HUWE1: variants seen among roughly 807,000 people sequenced by gnomAD.
HUWE1 encodes HECT, UBA and WWE domain containing E3 ubiquitin protein ligase 1, also known as E3 ubiquitin-protein ligase HUWE1.
A neutral mutation model predicts 299.4 loss-of-function variants in HUWE1; 18 were observed. The observed-to-expected ratio is 0.06, with a 90% CI of 0.04 to 0.09. The LOEUF (loss-of-function observed/expected upper bound fraction) is 0.09, where lower values mean the gene tolerates loss of function less well. HUWE1 is among the 10% of genes least tolerant of loss of function. The probability of loss-of-function intolerance (pLI) is 1.00; values close to 1 mark genes in which losing one functional copy is unlikely to be tolerated. For missense variants in HUWE1, 1,832 were observed against 3,462.3 expected, an observed-to-expected ratio of 0.53 and a Z score of 11.82; for synonymous variants, 1,317 against 1,286.1, an observed-to-expected ratio of 1.02 and a Z score of -0.51.
Position 53,672,324 on chromosome X carries a change from G to A in HUWE1, c.-25+7725C>T, listed in dbSNP as rs1431802309. ...GTCGCCCAGGCTGGAATGCAGTGGCGTGATCTCAGCTCACTGCAACCTCCG... is the reference window on the plus strand; with the variant it reads ...GTCGCCCAGGCTGGAATGCAGTGGCATGATCTCAGCTCACTGCAACCTCCG... On this transcript the variant is annotated intron_variant, in intron 3 of 83. Transcript: ENST00000262854. Among the ~76,000 whole-genome samples, 11 of 105,837 alleles carry A rather than the reference G, an allele frequency of 1.0e-4. No homozygotes were observed. In the Admixed American group the frequency reaches 1.1e-3, roughly 11 times the overall value. 91.9% of individuals were successfully genotyped at this position (105,837 alleles called of 115,157 possible).
At chrX:53,660,993 G>A (rs1437623727) in intron 3 of HUWE1, among the ~76,000 whole-genome samples, 1 of 110,420 alleles carries the variant, frequency 9.1e-6, no homozygotes, top group African/African-American at 3.3e-5. Flanking sequence ...TCTAAATCCA[G>A]GTCTGACTAC....
chrX:53,596,612 A>C (rs1556985280), intron 29 of HUWE1, among the ~76,000 whole-genome samples: 1 of 111,977 alleles, frequency 8.9e-6, no homozygotes, highest in Non-Finnish European at 1.9e-5. Flanking sequence ...ATCTGCTTAA[A>C]ACACTGTGTG....
rs1260931669 is a variant in HUWE1, at chrX:53,589,670, G to A, written c.4338C>T (p.Gly1446=). 8.3e-7 allele frequency: 1 copy of A among 1,209,669 alleles called. No homozygotes were observed. The highest frequency in any genetic ancestry group is 1.1e-6 in the Non-Finnish European group (1 of 895,138). The change falls in exon 36 of 84, where the codon GGC becomes GGT. Residue 1446 remains glycine, a synonymous_variant. Coordinates refer to ENST00000262854, the MANE Select transcript of HUWE1 (RefSeq NM_031407.7). ...LHTFTDTMLP[G]CFHLLDELPD... ...GCAGCTCATCAAGAAGGTGGAAGCA[G>A]CCTGGCAACATAGTATCTGTGAAAG...
chrX:53,664,317 T>G lies in HUWE1; in HGVS notation c.-24-10186A>C, dbSNP rs1461876651. ...TCCTCCTGGCCTCAGCCTCCCAAAG[T>G]GCTGAGATTACAGGCGTTAGCCACT... On this transcript the variant is annotated intron_variant, in intron 3 of 83. Transcript: ENST00000262854. Among the ~76,000 whole-genome samples the G allele has an allele frequency of 2.7e-5, 3 of 112,272 alleles. No individual in the cohort carries two copies. In the Admixed American group the frequency reaches 2.8e-4, roughly 11 times the overall value.
At chrX:53,581,173 A>T in intron 42 of HUWE1, 147 bp from the exon 43 acceptor site, 1 of 497,100 alleles carries the variant, frequency 2.0e-6, no homozygotes, top group Admixed American at 4.1e-5. Flanking sequence ...TCTTGATTCA[A>T]AAAACCTGGC....
chrX:53,556,456 T>C, intron 60 of HUWE1: 1 of 310,206 alleles, frequency 3.2e-6, no homozygotes, highest in Non-Finnish European at 6.3e-6. Context: ...TTAAAAAATA[T>C]TGTGCAGGCT....
At position 53,686,636 on chromosome X, in the gene HUWE1, GGCCCTGCTTCA is replaced by G. The variant is rs201999836; in HGVS notation, c.-321_-311del. 1,171 of 94,256 alleles carry G rather than the reference GGCCCTGCTTCA, an allele frequency of 0.012. 8 individuals are homozygous for G. The highest frequency in any genetic ancestry group is 0.025 in the South Asian group (61 of 2,436). 7.8% of individuals were successfully genotyped at this position (94,256 alleles called of 1,213,427 possible). A position where few individuals can be genotyped will look rare whatever the true frequency, so the allele number is the denominator to read the frequency against. On this transcript the variant is annotated 5_prime_UTR_variant, in exon 1 of 84. Coordinates refer to ENST00000262854, the MANE Select transcript of HUWE1 (RefSeq NM_031407.7). ...GCCCGCAGGAGCGTGCGGGGTCCGC[GGCCCTGCTTCA>G]GCCCTGCTTCAGCCCTGCTCCAGCC...
At chrX:53,684,842 A>G (rs1425444268) in intron 2 of HUWE1, among the ~76,000 whole-genome samples, 2 of 112,222 alleles carry the variant, frequency 1.8e-5, no homozygotes, top group African/African-American at 6.5e-5. Context: ...ATCTTAATCT[A>G]ACTAAAGGCC....
chrX:53,571,938 TAGG>T (rs1556951932), intron 47 of HUWE1, among the ~76,000 whole-genome samples: 14 of 112,024 alleles, frequency 1.2e-4, no homozygotes, highest in African/African-American at 4.2e-4. Context: ...TTCTTACTCT[TAGG>T]CATATACTAC....
intron 43 of HUWE1, among the ~76,000 whole-genome samples, chrX:53,579,386 G>A (rs1406868396): frequency 9.1e-6 from 1 of 110,467 alleles, no homozygotes; most frequent in African/African-American, 3.3e-5. Flanking sequence ...ACTTCTGCCC[G>A]GCCGCCCCTA....
intron 7 of HUWE1, among the ~76,000 whole-genome samples, chrX:53,642,560 T>C (rs2149214620): frequency 8.9e-6 from 1 of 112,135 alleles, no homozygotes; most frequent in African/African-American, 3.2e-5. Context: ...ATGGAAATGA[T>C]GCGATCTCAC....
chrX:53,682,561 CT>C (rs1402376249), intron 2 of HUWE1, among the ~76,000 whole-genome samples: 7 of 111,186 alleles, frequency 6.3e-5, no homozygotes, highest in Non-Finnish European at 1.9e-5. Context: ...ACAATCAATG[CT>C]GTTTTCTAGT....
intron 25 of HUWE1, among the ~76,000 whole-genome samples, chrX:53,606,934 C>T (rs1259513899): frequency 1.8e-5 from 2 of 111,454 alleles, no homozygotes; most frequent in Non-Finnish European, 3.8e-5. Flanking sequence ...GAACTCTACA[C>T]TTCAAAATGG....
At chrX:53,629,047 A>G (rs2066701363) in intron 13 of HUWE1, 145 bp from the exon 14 acceptor site, 1 of 501,947 alleles carries the variant, frequency 2.0e-6, no homozygotes. Context: ...GAGAGCAACA[A>G]CGAAAATCTA....
intron 28 of HUWE1, among the ~76,000 whole-genome samples, chrX:53,601,444 A>G (rs964800166): frequency 9.1e-6 from 1 of 110,055 alleles, no homozygotes; most frequent in Non-Finnish European, 1.9e-5. Context: ...TCAGCCTCCC[A>G]AAGTGTTGGG....
intron 55 of HUWE1, 96 bp downstream of exon 55, chrX:53,561,660 G>A: frequency 1.0e-5 from 12 of 1,157,970 alleles, no homozygotes; most frequent in Non-Finnish European, 1.4e-5. Flanking sequence ...AAGAAGTGCT[G>A]TCTGTATCGG....
chrX:53,580,806 A>G (rs1226042027), intron 43 of HUWE1, 25 bp downstream of exon 43: 1 of 1,201,409 alleles, frequency 8.3e-7, no homozygotes, highest in Non-Finnish European at 1.1e-6. Flanking sequence ...CTTAATATCA[A>G]AGGCCAGGAG....
chrX:53,602,850 T>C lies in HUWE1; in HGVS notation c.2877-192A>G, dbSNP rs188767630. Among the ~76,000 whole-genome samples, 5 of 108,604 alleles carry C rather than the reference T, an allele frequency of 4.6e-5. No homozygotes were observed. The East Asian group carries it at 1.4e-3, about 31-fold the overall frequency. The allele number at this position is 108,604 out of a possible 115,157, so 94.3% of individuals were successfully genotyped here. A position where few individuals can be genotyped will look rare whatever the true frequency, so the allele number is the denominator to read the frequency against. ...CCCACAAGCTTTCCAATTCTTTTTTTTTTCTTTTTTTTTTTTTGGAGACCC... is the reference window on the plus strand; with the variant it reads ...CCCACAAGCTTTCCAATTCTTTTTTCTTTCTTTTTTTTTTTTTGGAGACCC... On this transcript the variant is annotated intron_variant, in intron 27 of 83. Transcript: ENST00000262854.
chrX:53,545,116 C>T lies in HUWE1; in HGVS notation c.10961G>A (p.Arg3654Gln). Residue 3654 changes from arginine to glutamine, a missense_variant, in exon 71 of 84, where the codon CGG becomes CAG. Coordinates refer to ENST00000262854, the MANE Select transcript of HUWE1 (RefSeq NM_031407.7). ...AGAGAGGGTTTCACATTGGGCTCGC[C>T]GCTGCTGCTCGAGGTTGTATTCCCG... ...ELREYNLEQQ[R>Q]RAQCETLSPD... 1 of 1,209,562 alleles carries T rather than the reference C, an allele frequency of 8.3e-7. No homozygotes were observed. The highest frequency in any genetic ancestry group is 1.1e-6 in the Non-Finnish European group (1 of 894,578).
Sources: allele counts gnomAD v4.1 joint callset (sites outside exome capture counted in the v4.1 genomes callset), GRCh38; gene constraint gnomAD v4.1.1; transcripts MANE v1.5; gene names NCBI Gene and HGNC (gene_info 2026-07-23, HGNC 2026-07-21).